Variants in SHB observed in about 807,000 individuals in gnomAD.
SHB encodes SH2 domain containing adaptor protein B, also known as SH2 domain-containing adapter protein B.
In SHB, 20 loss-of-function variants were observed where a neutral mutation model predicts 52.3. That is an observed-to-expected ratio of 0.38 (90% CI 0.27 to 0.56). SHB has a LOEUF of 0.56. Among genes scored for constraint, SHB ranks in the 20% least tolerant of loss-of-function variants. SHB has a pLI of 0.71. For synonymous variants in SHB, 397 were observed against 316.5 expected, an observed-to-expected ratio of 1.25 and a Z score of -2.70; for missense variants, 825 against 723.3, an observed-to-expected ratio of 1.14 and a Z score of -1.61.
At position 37,919,606 on chromosome 9, in the gene SHB, G is replaced by A; in HGVS notation, c.*215C>T. 1 of 465,460 alleles carries A rather than the reference G, an allele frequency of 2.1e-6. No individual in the cohort carries two copies. The highest frequency in any genetic ancestry group is 3.4e-5 in the East Asian group (1 of 29,500). 28.8% of individuals were successfully genotyped at this position (465,460 alleles called of 1,614,324 possible). A position where few individuals can be genotyped will look rare whatever the true frequency, so the allele number is the denominator to read the frequency against. On this transcript the variant is annotated 3_prime_UTR_variant, in exon 6 of 6. Transcript: ENST00000377707. ...ACTCAAGGAGAGGGTGGGGGTGGGG[G>A]CTGGGGTGGTGTGTTGCCGCCCTTC...
chr9:37,987,592 G>A (rs1410250514), intron 2 of SHB, among the ~76,000 whole-genome samples: 4 of 152,330 alleles, frequency 2.6e-5, no homozygotes, highest in South Asian at 4.1e-4. Context: ...CAGGCAAGTC[G>A]CTTCCTCCCT....
intron 1 of SHB, among the ~76,000 whole-genome samples, chr9:38,053,270 C>G (rs1431423924): frequency 4.6e-5 from 7 of 151,886 alleles, no homozygotes; most frequent in Non-Finnish European, 8.8e-5. Flanking sequence ...TGGAGTCACT[C>G]TCTGTTACCG....
chr9:38,028,040 A>G (rs1160090906), intron 1 of SHB, among the ~76,000 whole-genome samples: 1 of 152,144 alleles, frequency 6.6e-6, no homozygotes, highest in African/African-American at 2.4e-5. Context: ...TTTGAAGCAG[A>G]TAATGGCTTT....
At chr9:37,971,509 C>A (rs1006122436) in intron 3 of SHB, among the ~76,000 whole-genome samples, 5 of 152,174 alleles carry the variant, frequency 3.3e-5, no homozygotes, top group Non-Finnish European at 7.4e-5. Flanking sequence ...CCCATAGGAC[C>A]CCTCCAGCTC....
At chr9:38,028,930 C>T (rs1821379310) in intron 1 of SHB, among the ~76,000 whole-genome samples, 1 of 152,150 alleles carries the variant, frequency 6.6e-6, no homozygotes, top group East Asian at 1.9e-4. Flanking sequence ...GAGGGGGCAC[C>T]TTGCCTGCTG....
At chr9:37,963,226 G>A (rs1452789169) in intron 3 of SHB, among the ~76,000 whole-genome samples, 2 of 152,208 alleles carry the variant, frequency 1.3e-5, no homozygotes, top group Non-Finnish European at 2.9e-5. Context: ...GGACCCAGAG[G>A]AGACTGGCAT....
At chr9:38,053,472 C>T (rs1821778020) in intron 1 of SHB, among the ~76,000 whole-genome samples, 3 of 152,082 alleles carry the variant, frequency 2.0e-5, no homozygotes, top group African/African-American at 4.8e-5. Context: ...CTCCTGACCT[C>T]GTGATCCGCC....
At chr9:38,017,417 G>GAT (rs1333200625) in intron 1 of SHB, among the ~76,000 whole-genome samples, 1 of 152,246 alleles carries the variant, frequency 6.6e-6, no homozygotes, top group Non-Finnish European at 1.5e-5. Context: ...CAGGGGAAGG[G>GAT]AAAATCCCCC....
chr9:37,945,603 A>G (rs910473254), intron 5 of SHB, among the ~76,000 whole-genome samples: 2 of 152,224 alleles, frequency 1.3e-5, no homozygotes, highest in South Asian at 2.1e-4. Context: ...ATGCAAAACT[A>G]GACCTCACCT....
intron 2 of SHB, among the ~76,000 whole-genome samples, chr9:37,976,686 G>A (rs1303950438): frequency 6.6e-6 from 1 of 152,194 alleles, no homozygotes; most frequent in Non-Finnish European, 1.5e-5. Flanking sequence ...GTTGGCTGGA[G>A]TACCAGGTCC....
In SHB at chr9:38,016,098, C is replaced by T; in HGVS notation, c.751G>A (p.Asp251Asn). 1 of 1,614,134 alleles carries T rather than the reference C, an allele frequency of 6.2e-7. No individual in the cohort carries two copies. The highest frequency in any genetic ancestry group is 8.5e-7 in the Non-Finnish European group (1 of 1,179,956). ...TIADDYSDPF[D>N]AKNDLKSKAG... ...TTGCTCTTGAGATCATTCTTGGCAT[C>T]AAAGGGATCTGAGTAGTCATCGGCT... The change falls in exon 2 of 6, where the codon GAT (aspartate) becomes AAT (asparagine). Residue 251 changes from aspartate (D) to asparagine (N), a missense_variant. Transcript: ENST00000377707.
At position 37,979,911 on chromosome 9, in the gene SHB, C is replaced by T. The variant is rs978765679; in HGVS notation, c.839-5074G>A. On this transcript the variant is annotated intron_variant, in intron 2 of 5. Transcript: ENST00000377707. ...GTAGTTTATTAAATGTGCAATACCA[C>T]TGCCTTAAAAAAATGTAGAACCTTA... is the stretch of plus-strand genomic sequence containing the variant. Among the ~76,000 whole-genome samples, 6 of 152,324 alleles carry T rather than the reference C, an allele frequency of 3.9e-5. No homozygotes were observed. The East Asian group carries it at 1.2e-3, about 29-fold the overall frequency.
At chr9:38,039,270 A>C (rs558416936) in intron 1 of SHB, among the ~76,000 whole-genome samples, 2 of 152,398 alleles carry the variant, frequency 1.3e-5, no homozygotes, top group Non-Finnish European at 2.9e-5. Flanking sequence ...CTGATTAATC[A>C]TTAAATCTAA....
intron 1 of SHB, among the ~76,000 whole-genome samples, chr9:38,055,390 C>A (rs1821800458): frequency 2.0e-5 from 3 of 152,118 alleles, no homozygotes; most frequent in African/African-American, 7.2e-5. Context: ...GGAAAAAAAT[C>A]TCTCACTGAT....
intron 3 of SHB, among the ~76,000 whole-genome samples, chr9:37,972,815 G>C (rs1820607247): frequency 6.6e-6 from 1 of 152,214 alleles, no homozygotes; most frequent in Admixed American, 6.5e-5. Flanking sequence ...AGGGGCCTGG[G>C]ATGAGGGCAG....
intron 1 of SHB, among the ~76,000 whole-genome samples, chr9:38,033,606 G>A (rs183324983): frequency 1.4e-3 from 206 of 152,312 alleles, no homozygotes; most frequent in Non-Finnish European, 2.3e-3. Context: ...GAGTGGTCTC[G>A]TTACACTCCC....
chr9:37,967,519 G>A (rs1820540550), intron 3 of SHB, among the ~76,000 whole-genome samples: 5 of 152,208 alleles, frequency 3.3e-5, no homozygotes, highest in Admixed American at 3.3e-4. Context: ...GCACAGAGGG[G>A]AAGGAACCGG....
chr9:37,917,248 T>C lies in SHB; in HGVS notation c.*2573A>G, dbSNP rs891316035. ...AAATTCTTTTCAGCAGCTCCCATCCTGTAAGCTGGCTCCTCTGCTGGCCTC... is the reference window on the plus strand; with the variant it reads ...AAATTCTTTTCAGCAGCTCCCATCCCGTAAGCTGGCTCCTCTGCTGGCCTC... On this transcript the variant is annotated 3_prime_UTR_variant, in exon 6 of 6. Coordinates refer to ENST00000377707, the MANE Select transcript of SHB (RefSeq NM_003028.3). Among the ~76,000 whole-genome samples, 3 of 152,210 alleles carry C rather than the reference T, an allele frequency of 2.0e-5. No homozygotes were observed. Among genetic ancestry groups the C allele is most frequent in the African/African-American group, 7.2e-5 (3 of 41,454 alleles).
rs542820234 is a variant in SHB at position 37,936,041 on chromosome 9, A to T, written c.1346+12594T>A. 7.4e-3 allele frequency among the ~76,000 whole-genome samples: 748 copies of T among 100,692 alleles called. 8 individuals carry two copies. Among genetic ancestry groups the T allele is most frequent in the South Asian group, 0.027 (83 of 3,096 alleles). 66.1% of individuals were successfully genotyped at this position (100,692 alleles called of 152,430 possible). ...AACATGGTGAAACCCCGTCTCTACTAAAAAAAAAAAAAAAAAATACAACAA... is the reference window on the plus strand; with the variant it reads ...AACATGGTGAAACCCCGTCTCTACTTAAAAAAAAAAAAAAAAATACAACAA... On this transcript the variant is annotated intron_variant, in intron 5 of 5. Coordinates refer to ENST00000377707, the MANE Select transcript of SHB (RefSeq NM_003028.3).
Sources: allele counts gnomAD v4.1 joint callset (sites outside exome capture counted in the v4.1 genomes callset), GRCh38; gene constraint gnomAD v4.1.1; transcripts MANE v1.5; gene names NCBI Gene and HGNC (gene_info 2026-07-23, HGNC 2026-07-21).